CCDC82: variants seen among roughly 807,000 people sequenced by gnomAD.
CCDC82 encodes coiled-coil domain-containing protein 82.
A neutral mutation model predicts 60.6 loss-of-function variants in CCDC82; 47 were observed. The ratio of observed to expected loss-of-function variants is 0.77; its 90% CI spans 0.61 to 0.99. The LOEUF (loss-of-function observed/expected upper bound fraction) is 0.99, where lower values mean the gene tolerates loss of function less well. Ranked by LOEUF, CCDC82 falls within the 50% of genes least tolerant of loss-of-function variation. The probability of loss-of-function intolerance (pLI) is 0.00; values close to 1 mark genes in which losing one functional copy is unlikely to be tolerated. For missense variants in CCDC82, 588 were observed against 633.0 expected, an observed-to-expected ratio of 0.93 and a Z score of 0.76; for synonymous variants, 212 against 207.4, an observed-to-expected ratio of 1.02 and a Z score of -0.19.
At chr11:96,381,519 T>A (rs1016083264) in intron 5 of CCDC82, 12 of 151,554 alleles carry the variant, frequency 7.9e-5, no homozygotes, top group African/African-American at 2.9e-4. Context: ...AGAAAAAAAA[T>A]AAAAGTATAT....
intron 5 of CCDC82, among the ~76,000 whole-genome samples, chr11:96,375,072 T>C (rs1421955624): frequency 6.6e-6 from 1 of 152,192 alleles, no homozygotes; most frequent in Non-Finnish European, 1.5e-5. Flanking sequence ...ATTTTATTTG[T>C]GTTAAAATCC....
intron 8 of CCDC82, among the ~76,000 whole-genome samples, chr11:96,360,208 T>C (rs201156050): frequency 1.6e-5 from 1 of 60,610 alleles, no homozygotes. Flanking sequence ...ATTTTTTTTG[T>C]TTTTTTTTTC....
At chr11:96,375,732 C>A (rs1050060761) in intron 5 of CCDC82, among the ~76,000 whole-genome samples, 18 of 152,160 alleles carry the variant, frequency 1.2e-4, no homozygotes, top group African/African-American at 4.1e-4. Flanking sequence ...ATGTTCCTAT[C>A]CCCTAGTTAA....
intron 9 of CCDC82, chr11:96,357,465 AAAG>A: frequency 1.0e-6 from 1 of 985,174 alleles, no homozygotes. Context: ...TTTCCTAAGA[AAAG>A]AATGCCAAGT....
chr11:96,364,209 T>C (rs771533070), intron 8 of CCDC82: 1 of 152,118 alleles, frequency 6.6e-6, no homozygotes, highest in African/African-American at 2.4e-5. Flanking sequence ...TTTTAAACAA[T>C]GGGGAAATTT....
chr11:96,384,788 A>T, intron 3 of CCDC82, 27 bp from the exon 4 acceptor site: 1 of 1,405,076 alleles, frequency 7.1e-7, no homozygotes, highest in Non-Finnish European at 9.7e-7. Flanking sequence ...TTAGGAATAT[A>T]ACAGTGATAA....
intron 5 of CCDC82, 151 bp from the exon 6 acceptor site, chr11:96,373,618 T>A: frequency 2.0e-6 from 1 of 503,848 alleles, no homozygotes; most frequent in Non-Finnish European, 3.5e-6. Flanking sequence ...CGATGACTTG[T>A]TTAGTCACGG....
intron 8 of CCDC82, among the ~76,000 whole-genome samples, chr11:96,360,651 C>T (rs955980037): frequency 4.6e-5 from 7 of 152,124 alleles, no homozygotes; most frequent in Admixed American, 6.5e-5. Flanking sequence ...TACCTAAGTT[C>T]ACTAATGGGT....
Position 96,384,220 on chromosome 11 carries a change from G to A in CCDC82, c.528C>T (p.Asp176=). 6.2e-7 allele frequency: 1 copy of A among 1,613,732 alleles called. No individual in the cohort carries two copies. The highest frequency in any genetic ancestry group is 8.5e-7 in the Non-Finnish European group (1 of 1,179,844). The part of the protein sequence containing the change: ...QIIEDDLEEE[D]IKRGKRKRLS... ...GCCTTTTTCTTTTTCCTCGCTTGAT[G>A]TCTTCTTCTTCTAAATCATCCTCTA... The change falls in exon 4 of 10, where the codon GAC becomes GAT. Residue 176 remains aspartate, a synonymous_variant. Coordinates refer to ENST00000646818, the MANE Select transcript of CCDC82 (RefSeq NM_024725.4).
chr11:96,385,418 G>A (rs1407977099), intron 3 of CCDC82: 1 of 152,360 alleles, frequency 6.6e-6, no homozygotes, highest in East Asian at 1.9e-4. Flanking sequence ...GACTCACCCT[G>A]TAGGCAAAGG....
intron 5 of CCDC82, among the ~76,000 whole-genome samples, chr11:96,378,527 T>C (rs1591206917): frequency 6.6e-6 from 1 of 151,258 alleles, no homozygotes; most frequent in Non-Finnish European, 1.5e-5. Flanking sequence ...AATAGAATGA[T>C]TTTCTTTAAT....
intron 9 of CCDC82, chr11:96,358,437 G>A: frequency 8.1e-7 from 1 of 1,229,134 alleles, no homozygotes; most frequent in Non-Finnish European, 1.0e-6. Flanking sequence ...ATAGGATATG[G>A]GGGAATCAAA....
chr11:96,389,698 G>A (rs1050305191), intron 1 of CCDC82, 146 bp downstream of exon 1: 1 of 152,424 alleles, frequency 6.6e-6, no homozygotes. Flanking sequence ...GGCGTTCTCC[G>A]GCCCACCCAA....
At chr11:96,368,022 T>C (rs937798221) in intron 7 of CCDC82, among the ~76,000 whole-genome samples, 10 of 152,092 alleles carry the variant, frequency 6.6e-5, no homozygotes, top group African/African-American at 2.4e-4. Context: ...GGTTTCACCA[T>C]GTTGGCCAGT....
chr11:96,356,686 T>C (rs1430504462), intron 9 of CCDC82: 1 of 950,810 alleles, frequency 1.1e-6, no homozygotes, highest in Non-Finnish European at 1.3e-6. Context: ...ATTTTCCTAT[T>C]ATCTATTCTT....
chr11:96,379,491 C>T (rs755541323), intron 5 of CCDC82, among the ~76,000 whole-genome samples: 4 of 151,678 alleles, frequency 2.6e-5, no homozygotes, highest in Non-Finnish European at 5.9e-5. Flanking sequence ...TAAGGTGTCA[C>T]GAACTCTAAT....
chr11:96,388,727 AC>A (rs1866352636), intron 1 of CCDC82: 1 of 152,208 alleles, frequency 6.6e-6, no homozygotes, highest in Non-Finnish European at 1.5e-5. Context: ...GGTAGTTAAC[AC>A]TTTACAGATT....
At chr11:96,380,343 G>A (rs538927122) in intron 5 of CCDC82, among the ~76,000 whole-genome samples, 1 of 151,842 alleles carries the variant, frequency 6.6e-6, no homozygotes, top group South Asian at 2.1e-4. Context: ...AAAGAGAACT[G>A]AGTAGATAAT....
intron 5 of CCDC82, chr11:96,382,012 T>C (rs1312569880): frequency 6.6e-6 from 1 of 151,848 alleles, no homozygotes; most frequent in African/African-American, 2.4e-5. Context: ...GTTGAAGCAG[T>C]AAAACTATTA....
Sources: gnomAD v4.1 joint callset for allele counts (sites outside exome capture counted in the v4.1 genomes callset) on GRCh38, gnomAD v4.1.1 for gene constraint, MANE v1.5 for transcripts, NCBI Gene and HGNC (gene_info 2026-07-23, HGNC 2026-07-21) for gene names.